TXNDC8: variants seen among roughly 807,000 people sequenced by gnomAD.
The protein encoded by TXNDC8 is thioredoxin domain containing 8.
Under a neutral mutation model 12.9 loss-of-function variants are expected in TXNDC8, and 15 were observed. The observed-to-expected ratio is 1.16, with a 90% CI of 0.78 to 1.79. TXNDC8 has a LOEUF of 1.79. TXNDC8 is among the 40% of genes most tolerant of loss of function. The pLI is 0.00. For missense variants in TXNDC8, 128 were observed against 113.2 expected (o/e 1.13, Z -0.59); for synonymous variants, 40 against 35.4 (o/e 1.13, Z -0.46).
intron 3 of TXNDC8, among the ~76,000 whole-genome samples, chr9:110,310,140 A>G (rs1838609297): frequency 6.6e-6 from 1 of 152,070 alleles, no homozygotes; most frequent in African/African-American, 2.4e-5. Flanking sequence ...TTAAAGAAAA[A>G]AGAGTCCTAG....
rs558791131 is a variant in TXNDC8, at chr9:110,315,569, T to C, written c.195+10606A>G. 1.8e-4 allele frequency among the ~76,000 whole-genome samples: 27 copies of C among 152,340 alleles called. No homozygotes were observed. In the South Asian group the frequency reaches 5.6e-3, roughly 32 times the overall value. ...TAATGACACACTCAAAAGATAATTATAGCAAAATATCTTGGCCAGTTGATA... is the reference window on the plus strand; with the variant it reads ...TAATGACACACTCAAAAGATAATTACAGCAAAATATCTTGGCCAGTTGATA... On this transcript the variant is annotated intron_variant, in intron 3 of 4. Coordinates refer to ENST00000423740, the MANE Select transcript of TXNDC8 (RefSeq NM_001286946.2).
chr9:110,305,775 TTTC>T (rs1342625013), intron 3 of TXNDC8, among the ~76,000 whole-genome samples: 4 of 90,856 alleles, frequency 4.4e-5, no homozygotes, highest in African/African-American at 1.5e-4. Flanking sequence ...TTTCTTTTCT[TTTC>T]TTTTCTTTTC....
chr9:110,320,498 T>C (rs1188946620), intron 3 of TXNDC8, among the ~76,000 whole-genome samples: 1 of 152,166 alleles, frequency 6.6e-6, no homozygotes, highest in East Asian at 1.9e-4. Flanking sequence ...CTGTGTAAAT[T>C]ACCCAGTCTC....
rs1554702019 is a variant in TXNDC8 at position 110,311,557 on chromosome 9, A to ATT, written c.196-7026_196-7025insAA. On this transcript the variant is annotated intron_variant, in intron 3 of 4. Transcript: ENST00000423740. ...TATATATATATATATATATATATAT[A>ATT]TCTCCATACTATATATATATGGATT... Among the ~76,000 whole-genome samples, 266 of 125,926 alleles carry ATT rather than the reference A, an allele frequency of 2.1e-3. 2 individuals are homozygous for ATT. The highest frequency in any genetic ancestry group is 2.6e-3 in the Non-Finnish European group (157 of 60,170). The allele number at this position is 125,926 out of a possible 152,430, so 82.6% of individuals were successfully genotyped here.
At chr9:110,319,068 G>A (rs1286746291) in intron 3 of TXNDC8, among the ~76,000 whole-genome samples, 1 of 152,140 alleles carries the variant, frequency 6.6e-6, no homozygotes, top group African/African-American at 2.4e-5. Context: ...ATCTCACTTA[G>A]TTCTTGCCCC....
chr9:110,316,107 C>T (rs1237325459), intron 3 of TXNDC8, among the ~76,000 whole-genome samples: 1 of 150,474 alleles, frequency 6.6e-6, no homozygotes, highest in African/African-American at 2.4e-5. Context: ...GTTTCACCAT[C>T]TAGGCTACTA....
At chr9:110,328,764 C>T (rs1839436382) in intron 2 of TXNDC8, among the ~76,000 whole-genome samples, 1 of 152,246 alleles carries the variant, frequency 6.6e-6, no homozygotes. Context: ...CAAGATCACG[C>T]CATTGCACTC....
intron 2 of TXNDC8, among the ~76,000 whole-genome samples, chr9:110,328,372 GGATGGCTCCA>G (rs1839418843): frequency 6.6e-6 from 1 of 152,190 alleles, no homozygotes; most frequent in African/African-American, 2.4e-5. Flanking sequence ...GGATGAGGAA[GGATGGCTCCA>G]GAGACAGGAA....
intron 3 of TXNDC8, among the ~76,000 whole-genome samples, chr9:110,305,594 CTTTCTTTCTT>C (rs1241058994): frequency 0.011 from 1,414 of 130,358 alleles, 28 homozygotes; most frequent in African/African-American, 0.045. Flanking sequence ...TTCTTTCTTT[CTTTCTTTCTT>C]TCTTTCTTTT....
chr9:110,314,062 G>A (rs1838787338), intron 3 of TXNDC8, among the ~76,000 whole-genome samples: 2 of 152,194 alleles, frequency 1.3e-5, no homozygotes, highest in Non-Finnish European at 2.9e-5. Flanking sequence ...GCTGGGAACT[G>A]CTTAGGGCCA....
At chr9:110,333,662 G>A (rs1229506871) in intron 2 of TXNDC8, among the ~76,000 whole-genome samples, 1 of 152,090 alleles carries the variant, frequency 6.6e-6, no homozygotes, top group Non-Finnish European at 1.5e-5. Flanking sequence ...TATCATGGGT[G>A]TATACATATG....
chr9:110,333,865 C>T (rs1406951737), intron 2 of TXNDC8, among the ~76,000 whole-genome samples: 1 of 152,122 alleles, frequency 6.6e-6, no homozygotes, highest in Non-Finnish European at 1.5e-5. Context: ...AAACAAATAT[C>T]ATATTTATCT....
chr9:110,324,014 A>G (rs1226000316), intron 3 of TXNDC8: 3 of 1,549,090 alleles, frequency 1.9e-6, no homozygotes, highest in Non-Finnish European at 2.6e-6. Context: ...AAGGAAGTAC[A>G]TGGGATAAGA....
At chr9:110,331,362 C>T (rs962795038) in intron 2 of TXNDC8, among the ~76,000 whole-genome samples, 1 of 152,106 alleles carries the variant, frequency 6.6e-6, no homozygotes, top group Non-Finnish European at 1.5e-5. Flanking sequence ...TTCTTTAACT[C>T]CCAATCATGG....
chr9:110,336,858 A>C (rs1232906938), intron 1 of TXNDC8, among the ~76,000 whole-genome samples: 1 of 152,140 alleles, frequency 6.6e-6, no homozygotes, highest in Non-Finnish European at 1.5e-5. Flanking sequence ...GTGGCATCTG[A>C]ATAAAGATGG....
chr9:110,323,277 A>G, intron 3 of TXNDC8: 2 of 985,446 alleles, frequency 2.0e-6, no homozygotes, highest in Non-Finnish European at 2.4e-6. Flanking sequence ...AAAAAGATAG[A>G]TATCCAAAAC....
chr9:110,303,646 T>G lies in TXNDC8; in HGVS notation c.*36A>C, dbSNP rs1212751193. 6.3e-7 allele frequency: 1 copy of G among 1,595,436 alleles called. No homozygotes were observed. The highest frequency in any genetic ancestry group is 1.7e-5 in the Admixed American group (1 of 59,174). ...TCAAGTGCTGCGAAAATGTTGAGGC[T>G]TTAAGGAATTTTATTCCTGATTGAA... On this transcript the variant is annotated 3_prime_UTR_variant, in exon 5 of 5. Transcript: ENST00000423740.
At chr9:110,326,940 G>GCACACACACACACACA (rs377527245) in intron 2 of TXNDC8, among the ~76,000 whole-genome samples, 1,498 of 142,988 alleles carry the variant, frequency 0.01, 14 homozygotes, top group South Asian at 0.022. Flanking sequence ...TGCTACTCAT[G>GCACACACACACACACA]CACACACACA....
At chr9:110,335,538 A>T (rs1197208983) in intron 1 of TXNDC8, among the ~76,000 whole-genome samples, 1 of 152,244 alleles carries the variant, frequency 6.6e-6, no homozygotes, top group Non-Finnish European at 1.5e-5. Context: ...TCTTTACAAC[A>T]ACACTACAAC....
Sources: allele counts gnomAD v4.1 joint callset (sites outside exome capture counted in the v4.1 genomes callset), GRCh38; gene constraint gnomAD v4.1.1; transcripts MANE v1.5; gene names NCBI Gene and HGNC (gene_info 2026-07-23, HGNC 2026-07-21).